TBXAS1: variants seen among roughly 807,000 people sequenced by gnomAD.
TBXAS1 encodes thromboxane A synthase 1.
TBXAS1 carries 48 observed loss-of-function variants against 60.7 expected under a neutral mutation model. That is an observed-to-expected ratio of 0.79 (90% CI 0.63 to 1.01). TBXAS1 has a LOEUF of 1.01. Ranked by LOEUF, TBXAS1 falls within the 50% of genes least tolerant of loss-of-function variation. The pLI, the probability that TBXAS1 is intolerant of heterozygous loss-of-function variation, is 0.00. For missense variants in TBXAS1, 685 were observed against 686.3 expected (o/e 1.00, Z 0.02); for synonymous variants, 287 against 269.7 (o/e 1.06, Z -0.63).
At chr7:139,840,943 G>A (rs1366923222) in intron 1 of TBXAS1, among the ~76,000 whole-genome samples, 1 of 152,302 alleles carries the variant, frequency 6.6e-6, no homozygotes, top group East Asian at 1.9e-4. Flanking sequence ...GTGCCTTCCC[G>A]ATCTGGACTC....
chr7:139,888,540 A>C lies in TBXAS1; in HGVS notation c.236+12903A>C, dbSNP rs192929111. 1.9e-4 allele frequency among the ~76,000 whole-genome samples: 29 copies of C among 152,088 alleles called. No individual in the cohort carries two copies. The East Asian group carries it at 3.9e-3, about 20-fold the overall frequency. ...CAGTCTTTCCACTATATCACAGGGC[A>C]TACACTCCTGCTTCATGACTGTTCA... On this transcript the variant is annotated intron_variant, in intron 3 of 12. Coordinates refer to ENST00000448866, the MANE Select transcript of TBXAS1 (RefSeq NM_001061.7).
intron 5 of TBXAS1, among the ~76,000 whole-genome samples, chr7:139,941,638 G>C (rs1162777938): frequency 1.3e-5 from 2 of 152,154 alleles, no homozygotes; most frequent in Non-Finnish European, 2.9e-5. Context: ...GCTGTTGTTA[G>C]GGAAGATTTT....
At chr7:139,878,426 T>C (rs1387314653) in intron 3 of TBXAS1, among the ~76,000 whole-genome samples, 1 of 152,216 alleles carries the variant, frequency 6.6e-6, no homozygotes, top group Non-Finnish European at 1.5e-5. Context: ...ATCATCTCCA[T>C]TCTTTGTTCC....
chr7:139,824,829 C>CTTTTCTT (rs1401847052), upstream of TBXAS1, among the ~76,000 whole-genome samples: 91 of 38,862 alleles, frequency 2.3e-3, 9 homozygotes, highest in African/African-American at 5.4e-3. Context: ...TTTTCCTTTT[C>CTTTTCTT]TTTTTTTTTT....
At chr7:139,979,289 T>C (rs925083252) in intron 9 of TBXAS1, among the ~76,000 whole-genome samples, 4 of 152,090 alleles carry the variant, frequency 2.6e-5, no homozygotes, top group African/African-American at 9.7e-5. Flanking sequence ...CCTAACGACA[T>C]TAGAGCGAAT....
chr7:139,791,703 G>C (rs540764049), intron 4 of TBXAS1, among the ~76,000 whole-genome samples: 2 of 152,024 alleles, frequency 1.3e-5, no homozygotes, highest in East Asian at 3.9e-4. Flanking sequence ...GCAGGCGGCT[G>C]TATAACCCAG....
At chr7:139,810,040 CTTT>C (rs374225998) in intron 4 of TBXAS1, among the ~76,000 whole-genome samples, 1 of 145,852 alleles carries the variant, frequency 6.9e-6, no homozygotes. Context: ...TGGAAATTAA[CTTT>C]TTTTTTTTTT....
At chr7:139,905,665 C>G (rs1805020027) in intron 3 of TBXAS1, among the ~76,000 whole-genome samples, 1 of 152,076 alleles carries the variant, frequency 6.6e-6, no homozygotes, top group Non-Finnish European at 1.5e-5. Flanking sequence ...CTTTCTCTAT[C>G]TTGTGGAATA....
chr7:140,019,334 T>C (rs1815352714), intron 12 of TBXAS1, among the ~76,000 whole-genome samples: 1 of 152,146 alleles, frequency 6.6e-6, no homozygotes, highest in Non-Finnish European at 1.5e-5. Context: ...GCATCGGGGC[T>C]TCCACGTGTG....
intron 10 of TBXAS1, among the ~76,000 whole-genome samples, chr7:140,008,351 C>A (rs1814256624): frequency 6.6e-6 from 1 of 152,160 alleles, no homozygotes; most frequent in Admixed American, 6.5e-5. Context: ...GCTCTGTGCC[C>A]CCTCTCCCCA....
At chr7:139,800,615 G>A (rs1198736061) in intron 4 of TBXAS1, among the ~76,000 whole-genome samples, 1 of 152,096 alleles carries the variant, frequency 6.6e-6, no homozygotes, top group East Asian at 1.9e-4. Flanking sequence ...CTGAAGCTCC[G>A]AAAGACCCCG....
intron 9 of TBXAS1, among the ~76,000 whole-genome samples, chr7:140,003,615 C>T (rs1813851726): frequency 6.6e-6 from 1 of 152,080 alleles, no homozygotes; most frequent in Admixed American, 6.6e-5. Context: ...CTTAGCCTAT[C>T]TTTAAAAATT....
At chr7:139,841,649 CT>C in intron 1 of TBXAS1, among the ~76,000 whole-genome samples, 1 of 152,028 alleles carries the variant, frequency 6.6e-6, no homozygotes, top group Admixed American at 6.5e-5. Flanking sequence ...TGTTTTCTCT[CT>C]CTTAAATGGT....
chr7:139,938,848 G>A lies in TBXAS1; in HGVS notation c.450+2541G>A, dbSNP rs1482033422. Among the ~76,000 whole-genome samples the A allele has an allele frequency of 2.6e-5, 4 of 152,188 alleles. No individual in the cohort carries two copies. In the East Asian group the frequency reaches 7.7e-4, roughly 29 times the overall value. ...AAAGGAAGCAAGGAAAGGAAAATAA[G>A]GTTTAGCAGTCCTGGGCTATGATTC... On this transcript the variant is annotated intron_variant, in intron 5 of 12. Transcript: ENST00000448866.
intron 3 of TBXAS1, chr7:139,906,028 T>C (rs1569511613): frequency 3.0e-6 from 1 of 334,700 alleles, no homozygotes; most frequent in Admixed American, 4.1e-5. Flanking sequence ...GCATAAGGTA[T>C]GAGGTTCATA....
chr7:139,852,365 A>G lies in TBXAS1; in HGVS notation c.90-19870A>G, dbSNP rs1272360218. Among the ~76,000 whole-genome samples, 1 of 152,240 alleles carries G rather than the reference A, an allele frequency of 6.6e-6. No individual in the cohort carries two copies. The highest frequency in any genetic ancestry group is 1.5e-5 in the Non-Finnish European group (1 of 68,040). On this transcript the variant is annotated intron_variant, in intron 1 of 12. Transcript: ENST00000448866. The surrounding 1 kb of genome is among the most constrained non-coding windows in gnomAD (Gnocchi z 4.4). Reference sequence around the variant, plus strand: ...AGAAAAGTGGTCTGTTCGGAAGGTCAGGCAGGTTCTGTGGGTCTCCACCTG... The same window carrying G: ...AGAAAAGTGGTCTGTTCGGAAGGTCGGGCAGGTTCTGTGGGTCTCCACCTG...
intron 5 of TBXAS1, among the ~76,000 whole-genome samples, chr7:139,941,956 G>C (rs1422944859): frequency 1.3e-5 from 2 of 152,224 alleles, no homozygotes; most frequent in African/African-American, 4.8e-5. Flanking sequence ...CTGAAAGAGA[G>C]AGAACACAGT....
intron 9 of TBXAS1, among the ~76,000 whole-genome samples, chr7:139,981,431 T>C (rs2117511860): frequency 2.0e-5 from 3 of 152,354 alleles, no homozygotes; most frequent in Middle Eastern, 6.8e-3. Flanking sequence ...GTTCTGAATA[T>C]TAAACTAGCT....
At chr7:139,789,190 G>A (rs1002413058) in intron 4 of TBXAS1, 2 of 151,330 alleles carry the variant, frequency 1.3e-5, no homozygotes, top group African/African-American at 2.4e-5. Context: ...TATAGAAAAT[G>A]CTTATACATT....
Sources: allele counts gnomAD v4.1 joint callset (sites outside exome capture counted in the v4.1 genomes callset), GRCh38; gene constraint gnomAD v4.1.1; non-coding constraint Gnocchi (gnomAD v3.1); transcripts MANE v1.5; gene names NCBI Gene and HGNC (gene_info 2026-07-23, HGNC 2026-07-21).